Variants in KCNMB2 observed in about 807,000 individuals in gnomAD.
The protein encoded by KCNMB2 is potassium calcium-activated channel subfamily M regulatory beta subunit 2, also known as calcium-activated potassium channel subunit beta-2.
In KCNMB2, 9 loss-of-function variants were observed where a neutral mutation model predicts 24.5. The observed-to-expected ratio is 0.37, with a 90% confidence interval of 0.22 to 0.64. KCNMB2 has a LOEUF of 0.64. Among genes scored for constraint, KCNMB2 ranks in the 30% least tolerant of loss-of-function variants. KCNMB2 has a pLI of 0.63. For synonymous variants in KCNMB2, 109 were observed against 104.4 expected (o/e 1.04, Z -0.27); for missense variants, 226 against 284.3 (o/e 0.79, Z 1.47).
intron 1 of KCNMB2, among the ~76,000 whole-genome samples, chr3:178,717,294 T>C (rs1214528391): frequency 6.6e-6 from 1 of 152,082 alleles, no homozygotes; most frequent in Non-Finnish European, 1.5e-5. Flanking sequence ...TCATCCTGCT[T>C]GCACCAAATT....
At chr3:178,655,129 TC>T in intron 1 of KCNMB2, among the ~76,000 whole-genome samples, 1 of 151,226 alleles carries the variant, frequency 6.6e-6, no homozygotes, top group African/African-American at 2.4e-5. Context: ...TCTCTCTCTC[TC>T]TCTCTCTCTC....
chr3:178,633,599 G>A (rs1020075395), intron 1 of KCNMB2, among the ~76,000 whole-genome samples: 2 of 152,160 alleles, frequency 1.3e-5, no homozygotes, highest in Admixed American at 1.3e-4. Context: ...AGGGTGGGTG[G>A]GCACCTGTAC....
At chr3:178,543,688 C>A (rs965845419) in intron 1 of KCNMB2, among the ~76,000 whole-genome samples, 2 of 152,070 alleles carry the variant, frequency 1.3e-5, no homozygotes, top group Admixed American at 6.6e-5. Flanking sequence ...ATTTCCGATT[C>A]CTGAAGCTTG....
intron 4 of KCNMB2, among the ~76,000 whole-genome samples, chr3:178,839,021 C>G (rs187633164): frequency 6.6e-6 from 1 of 152,204 alleles, no homozygotes; most frequent in East Asian, 1.9e-4. Context: ...GTGATTCTGT[C>G]AGAAACCAAT....
At chr3:178,780,335 T>C (rs1712777648) in intron 1 of KCNMB2, among the ~76,000 whole-genome samples, 1 of 152,164 alleles carries the variant, frequency 6.6e-6, no homozygotes, top group Admixed American at 6.6e-5. Flanking sequence ...ATGCTGGCAT[T>C]TTCTCCAACG....
intron 1 of KCNMB2, among the ~76,000 whole-genome samples, chr3:178,571,684 GC>G (rs909230803): frequency 1.9e-4 from 28 of 150,020 alleles, no homozygotes; most frequent in African/African-American, 6.4e-4. Flanking sequence ...CCCTCCCCTT[GC>G]CCCCAAACCC....
intron 1 of KCNMB2, among the ~76,000 whole-genome samples, chr3:178,584,860 T>C (rs1031215971): frequency 5.9e-5 from 9 of 152,130 alleles, no homozygotes; most frequent in Admixed American, 3.9e-4. Context: ...ACACCTGCTA[T>C]TTTTTCACTG....
intron 1 of KCNMB2, among the ~76,000 whole-genome samples, chr3:178,671,399 A>T (rs1224518710): frequency 1.3e-5 from 2 of 152,204 alleles, no homozygotes; most frequent in African/African-American, 4.8e-5. Context: ...GGAACTAGAA[A>T]GAGGGTCCAA....
intron 1 of KCNMB2, among the ~76,000 whole-genome samples, chr3:178,627,778 G>A (rs1305149023): frequency 6.6e-6 from 1 of 152,168 alleles, no homozygotes; most frequent in African/African-American, 2.4e-5. Context: ...GAAATAAGTT[G>A]TCGCTTCTCA....
intron 1 of KCNMB2, among the ~76,000 whole-genome samples, chr3:178,553,230 G>A (rs1166027537): frequency 3.3e-5 from 5 of 152,176 alleles, no homozygotes; most frequent in Non-Finnish European, 7.3e-5. Context: ...GAAGGAAACA[G>A]ATTTCCCTTA....
chr3:178,623,320 G>A (rs1718987650), intron 1 of KCNMB2, among the ~76,000 whole-genome samples: 1 of 152,290 alleles, frequency 6.6e-6, no homozygotes. Flanking sequence ...AACAAAATTA[G>A]CTAAAAGAAA....
intron 1 of KCNMB2, among the ~76,000 whole-genome samples, chr3:178,761,534 T>G (rs1461171708): frequency 2.6e-5 from 4 of 152,204 alleles, no homozygotes; most frequent in Non-Finnish European, 5.9e-5. Flanking sequence ...AACTGTTGAA[T>G]GGCAAATGTA....
chr3:178,634,923 G>C (rs1430752336), intron 1 of KCNMB2, among the ~76,000 whole-genome samples: 2 of 152,178 alleles, frequency 1.3e-5, no homozygotes, highest in Non-Finnish European at 2.9e-5. Context: ...AAATGGGAGA[G>C]ATAGAGGCAA....
At chr3:178,742,531 C>T (rs186683731) in intron 1 of KCNMB2, among the ~76,000 whole-genome samples, 1 of 152,234 alleles carries the variant, frequency 6.6e-6, no homozygotes, top group Admixed American at 6.5e-5. Flanking sequence ...TTTAAATATT[C>T]TTTGTTTAGA....
At chr3:178,603,992 T>A (rs1577042266) in intron 1 of KCNMB2, among the ~76,000 whole-genome samples, 1 of 152,112 alleles carries the variant, frequency 6.6e-6, no homozygotes, top group Non-Finnish European at 1.5e-5. Flanking sequence ...AAGGCAACTG[T>A]GGCAGCCGTT....
At chr3:178,697,873 C>T (rs2108336369) in intron 1 of KCNMB2, among the ~76,000 whole-genome samples, 1 of 148,706 alleles carries the variant, frequency 6.7e-6, no homozygotes, top group East Asian at 2.0e-4. Flanking sequence ...CTTAGTTTAG[C>T]TGGATATGAA....
chr3:178,654,595 C>G (rs932992422), intron 1 of KCNMB2, among the ~76,000 whole-genome samples: 2 of 152,182 alleles, frequency 1.3e-5, no homozygotes, highest in African/African-American at 2.4e-5. Context: ...CTTTTACATA[C>G]ATGTTATCTC....
intron 1 of KCNMB2, among the ~76,000 whole-genome samples, chr3:178,585,417 T>C (rs565994849): frequency 6.6e-6 from 1 of 152,328 alleles, no homozygotes; most frequent in Admixed American, 6.5e-5. Context: ...ACTAGAGAAC[T>C]TCTTTTTCAT....
intron 1 of KCNMB2, among the ~76,000 whole-genome samples, chr3:178,541,555 T>C (rs756651829): frequency 2.0e-5 from 3 of 152,236 alleles, no homozygotes; most frequent in Non-Finnish European, 2.9e-5. Context: ...CTACCATTTA[T>C]ACATTTTTTC....
Sources: allele counts gnomAD v4.1 joint callset (sites outside exome capture counted in the v4.1 genomes callset), GRCh38; gene constraint gnomAD v4.1.1; transcripts MANE v1.5; gene names NCBI Gene and HGNC (gene_info 2026-07-23, HGNC 2026-07-21).